WDR72: variants seen among roughly 807,000 people sequenced by gnomAD.
WDR72 encodes the protein WD repeat domain 72, also known as WD repeat-containing protein 72.
A neutral mutation model predicts 124.2 loss-of-function variants in WDR72; 120 were observed. The ratio of observed to expected loss-of-function variants is 0.97; its 90% CI spans 0.83 to 1.12. WDR72 has a LOEUF of 1.12. WDR72 is among the 50% of genes most tolerant of loss of function. The pLI is 0.00. For synonymous variants in WDR72, 452 were observed against 441.7 expected (o/e 1.02, Z -0.29); for missense variants, 1,387 against 1,278.8 (o/e 1.08, Z -1.29).
At chr15:53,679,225 G>T (rs1392052354) in intron 13 of WDR72, among the ~76,000 whole-genome samples, 1 of 152,172 alleles carries the variant, frequency 6.6e-6, no homozygotes, top group East Asian at 1.9e-4. Context: ...AAAAGTTGTG[G>T]AGATGGATGA....
intron 18 of WDR72, among the ~76,000 whole-genome samples, chr15:53,556,066 C>G (rs1252850166): frequency 3.3e-5 from 5 of 152,022 alleles, no homozygotes; most frequent in Non-Finnish European, 7.4e-5. Flanking sequence ...GTTTGGATGA[C>G]AATGTATTCC....
At chr15:53,663,303 T>C (rs546280616) in intron 14 of WDR72, among the ~76,000 whole-genome samples, 26 of 152,162 alleles carry the variant, frequency 1.7e-4, no homozygotes, top group African/African-American at 6.0e-4. Flanking sequence ...AAGAAGGTGA[T>C]AGTCCTGTCC....
chr15:53,711,330 G>A lies in WDR72; in HGVS notation c.857+6C>T, dbSNP rs1185202833. 1 of 1,613,968 alleles carries A rather than the reference G, an allele frequency of 6.2e-7. No individual in the cohort carries two copies. Among genetic ancestry groups the A allele is most frequent in the East Asian group, 2.2e-5 (1 of 44,884 alleles). ...TGTTTTGTATGCCGCTCCCATCTGA[G>A]CCCACCTGTTCAGCAGCTGATAGAT... On this transcript the variant is annotated splice_donor_region_variant and intron_variant, in intron 8 of 19. Transcript: ENST00000360509.
At chr15:53,539,184 G>C (rs1046191416) in intron 18 of WDR72, among the ~76,000 whole-genome samples, 1 of 152,094 alleles carries the variant, frequency 6.6e-6, no homozygotes, top group African/African-American at 2.4e-5. Flanking sequence ...GTTAATATAA[G>C]CATGCAATAA....
chr15:53,543,458 C>A (rs930752811), intron 18 of WDR72, among the ~76,000 whole-genome samples: 7 of 151,934 alleles, frequency 4.6e-5, no homozygotes, highest in African/African-American at 1.7e-4. Context: ...AGAACAAAGA[C>A]ACAACATACC....
Position 53,711,046 on chromosome 15 carries a change from G to A in WDR72, c.858-93C>T, listed in dbSNP as rs1053628657. On this transcript the variant is annotated intron_variant, in intron 8 of 19. Transcript: ENST00000360509. ...CCACTTTCAAAAGCCGGATGGTACC[G>A]TTCAAGTTTCTAAACTCTAGTTAGA... is the stretch of plus-strand genomic sequence containing the variant. 33 of 1,112,044 alleles carry A rather than the reference G, an allele frequency of 3.0e-5. No individual in the cohort carries two copies. In the Middle Eastern group the frequency reaches 1.2e-3, roughly 40 times the overall value. The allele number at this position is 1,112,044 out of a possible 1,614,324, so 68.9% of individuals were successfully genotyped here.
In WDR72 at chr15:53,515,524, A is replaced by T. The variant is rs1237914678; in HGVS notation, c.*2175T>A. On this transcript the variant is annotated 3_prime_UTR_variant, in exon 20 of 20. Transcript: ENST00000360509. ...AGAGCATTGCTTGAATATCTCTAAA[A>T]CTATTTTTAGGAATTAAAAGCTTTC... The T allele has an allele frequency of 6.6e-6, 1 of 152,172 alleles. No individual in the cohort carries two copies. Among genetic ancestry groups the T allele is most frequent in the East Asian group, 1.9e-4 (1 of 5,190 alleles). 9.4% of individuals were successfully genotyped at this position (152,172 alleles called of 1,614,324 possible).
chr15:53,619,398 A>G (rs76666712), intron 14 of WDR72, among the ~76,000 whole-genome samples: 2,647 of 151,908 alleles, frequency 0.017, 79 homozygotes, highest in African/African-American at 0.061. Flanking sequence ...ACTACCAAAT[A>G]GGGCCCTCTT....
At position 53,514,613 on chromosome 15, in the gene WDR72, T is replaced by A. The variant is rs1459879476; in HGVS notation, c.*3086A>T. The A allele has an allele frequency of 6.6e-6, 1 of 152,156 alleles. No homozygotes were observed. Among genetic ancestry groups the A allele is most frequent in the African/African-American group, 2.4e-5 (1 of 41,438 alleles). 9.4% of individuals were successfully genotyped at this position (152,156 alleles called of 1,614,324 possible). On this transcript the variant is annotated 3_prime_UTR_variant, in exon 20 of 20. Coordinates refer to ENST00000360509, the MANE Select transcript of WDR72 (RefSeq NM_182758.4). ...ATATTTAACAAACTGTATTCTACCATTTTTCTAATACCATCATGTTCAAAG... is the reference window on the plus strand; with the variant it reads ...ATATTTAACAAACTGTATTCTACCAATTTTCTAATACCATCATGTTCAAAG...
chr15:53,604,053 A>C (rs889432030), intron 17 of WDR72, among the ~76,000 whole-genome samples: 2 of 152,186 alleles, frequency 1.3e-5, no homozygotes, highest in Admixed American at 1.3e-4. Flanking sequence ...ACAAAGTTGG[A>C]GGCATCACGT....
chr15:53,667,288 A>G (rs1221819653), intron 13 of WDR72, among the ~76,000 whole-genome samples: 1 of 152,202 alleles, frequency 6.6e-6, no homozygotes, highest in Non-Finnish European at 1.5e-5. Context: ...CAGAAGGTCA[A>G]GGCTACAGTG....
At chr15:53,575,375 T>C (rs1026115204) in intron 18 of WDR72, among the ~76,000 whole-genome samples, 15 of 152,196 alleles carry the variant, frequency 9.9e-5, no homozygotes, top group Non-Finnish European at 1.9e-4. Flanking sequence ...TATTATTTGC[T>C]ACATGCTCTG....
Position 53,640,789 on chromosome 15 carries a change from G to A in WDR72, c.1963-24546C>T, listed in dbSNP as rs2140411222. On this transcript the variant is annotated intron_variant, in intron 14 of 19. Coordinates refer to ENST00000360509, the MANE Select transcript of WDR72 (RefSeq NM_182758.4). The stretch of plus-strand genomic sequence containing the variant: ...TTTAGTGAGAAAAGCTTAAAGACTA[G>A]TTGTATTTTTCTGTGGCTTAAGTGT... Among the ~76,000 whole-genome samples, 2 of 152,098 alleles carry A rather than the reference G, an allele frequency of 1.3e-5. 1 individual carries two copies. Among genetic ancestry groups the A allele is most frequent in the South Asian group, 4.1e-4 (2 of 4,822 alleles).
chr15:53,761,206 A>G (rs2019057580), upstream of WDR72, among the ~76,000 whole-genome samples: 1 of 152,254 alleles, frequency 6.6e-6, no homozygotes, highest in Non-Finnish European at 1.5e-5. Context: ...ACAAATAGGC[A>G]TATGAAAAGG....
At position 53,714,430 on chromosome 15, in the gene WDR72, C is replaced by G; in HGVS notation, c.591+4G>C. On this transcript the variant is annotated splice_donor_region_variant and intron_variant, in intron 6 of 19. Coordinates refer to ENST00000360509, the MANE Select transcript of WDR72 (RefSeq NM_182758.4). Reference sequence around the variant, plus strand: ...GGAAAAAAGAGTAGGGTTCCCAAGCCAACCTGAATGCTGTTGATAGATGAG... The same window carrying G: ...GGAAAAAAGAGTAGGGTTCCCAAGCGAACCTGAATGCTGTTGATAGATGAG... 1 of 1,612,738 alleles carries G rather than the reference C, an allele frequency of 6.2e-7. No individual in the cohort carries two copies. The highest frequency in any genetic ancestry group is 1.1e-5 in the South Asian group (1 of 91,014).
chr15:53,578,881 C>CA (rs2011764540), intron 18 of WDR72, among the ~76,000 whole-genome samples: 1 of 152,036 alleles, frequency 6.6e-6, no homozygotes, highest in Admixed American at 6.6e-5. Context: ...TTGCTGATAG[C>CA]AAAAATGACC....
intron 13 of WDR72, among the ~76,000 whole-genome samples, chr15:53,694,949 C>T (rs557694545): frequency 1.7e-4 from 26 of 152,240 alleles, no homozygotes; most frequent in Admixed American, 3.9e-4. Flanking sequence ...TTTATTGGAA[C>T]ACAGCGTCAC....
At chr15:53,580,304 A>G (rs899106683) in intron 18 of WDR72, among the ~76,000 whole-genome samples, 2 of 152,150 alleles carry the variant, frequency 1.3e-5, no homozygotes, top group Non-Finnish European at 2.9e-5. Context: ...CTCCAAGAAC[A>G]TTAAGCACTT....
At chr15:53,732,104 T>A (rs1379383704) in intron 2 of WDR72, among the ~76,000 whole-genome samples, 1 of 152,174 alleles carries the variant, frequency 6.6e-6, no homozygotes, top group Non-Finnish European at 1.5e-5. Flanking sequence ...ATAATACCCA[T>A]CCTTCCTTCA....
Sources: allele counts gnomAD v4.1 joint callset (sites outside exome capture counted in the v4.1 genomes callset), GRCh38; gene constraint gnomAD v4.1.1; transcripts MANE v1.5; gene names NCBI Gene and HGNC (gene_info 2026-07-23, HGNC 2026-07-21).